The following ULK4 variants were observed in gnomAD, a reference collection of about 807,000 sequenced individuals.
ULK4 encodes inactive serine/threonine-protein kinase ULK4.
In ULK4, 133 loss-of-function variants were observed where a neutral mutation model predicts 160.6. That is an observed-to-expected ratio of 0.83 (90% CI 0.72 to 0.96). ULK4 has a LOEUF of 0.96. ULK4 is among the 40% of genes least tolerant of loss of function. The pLI is 0.00. For synonymous variants in ULK4, 534 were observed against 539.8 expected, an observed-to-expected ratio of 0.99 and a Z score of 0.15; for missense variants, 1,580 against 1,499.5, an observed-to-expected ratio of 1.05 and a Z score of -0.89.
chr3:41,739,739 C>G (rs2038179745), intron 22 of ULK4, among the ~76,000 whole-genome samples: 1 of 152,046 alleles, frequency 6.6e-6, no homozygotes, highest in East Asian at 1.9e-4. Flanking sequence ...TCAACAAAGA[C>G]TCCTTCTCCA....
chr3:41,901,499 G>C lies in ULK4; in HGVS notation c.1183-670C>G, dbSNP rs1035287399. On this transcript the variant is annotated intron_variant, in intron 12 of 36. Coordinates refer to ENST00000301831, the MANE Select transcript of ULK4 (RefSeq NM_017886.4). ...CCAGCCTTTTTTTTTTTTTTTTTTT[G>C]AGATAGAGTCTCACTCCATCACACA... Among the ~76,000 whole-genome samples, 17 of 4,822 alleles carry C rather than the reference G, an allele frequency of 3.5e-3. 1 individual carries two copies. The highest frequency in any genetic ancestry group is 0.026 in the Non-Finnish European group (11 of 428). 3.2% of individuals were successfully genotyped at this position (4,822 alleles called of 152,430 possible).
At chr3:41,851,065 T>C (rs557645065) in intron 17 of ULK4, among the ~76,000 whole-genome samples, 1 of 152,338 alleles carries the variant, frequency 6.6e-6, no homozygotes, top group South Asian at 2.1e-4. Context: ...GAATACCCTT[T>C]ATTTCTTTCT....
intron 22 of ULK4, among the ~76,000 whole-genome samples, chr3:41,740,643 A>C (rs1365973810): frequency 6.6e-6 from 1 of 151,968 alleles, no homozygotes; most frequent in African/African-American, 2.4e-5. Context: ...AATCCATAAA[A>C]GGCCAATGGT....
At chr3:41,831,052 G>A (rs1014599335) in intron 18 of ULK4, among the ~76,000 whole-genome samples, 3 of 149,582 alleles carry the variant, frequency 2.0e-5, no homozygotes, top group African/African-American at 7.6e-5. Context: ...TTATTAGACA[G>A]GGTGTTGCTC....
At chr3:41,648,890 T>G (rs1485281655) in intron 30 of ULK4, among the ~76,000 whole-genome samples, 1 of 151,940 alleles carries the variant, frequency 6.6e-6, no homozygotes, top group East Asian at 1.9e-4. Flanking sequence ...TCCCAGCACT[T>G]TAGGAGGCCA....
chr3:41,508,102 A>G (rs2085455048), intron 32 of ULK4, among the ~76,000 whole-genome samples: 1 of 152,180 alleles, frequency 6.6e-6, no homozygotes, highest in South Asian at 2.1e-4. Context: ...GCACAGTGGG[A>G]GTGAGACTGG....
chr3:41,413,147 G>A (rs1399115762), intron 34 of ULK4, among the ~76,000 whole-genome samples: 3 of 152,068 alleles, frequency 2.0e-5, no homozygotes, highest in Admixed American at 6.6e-5. Context: ...ACGTGAAAGG[G>A]GTTTCCCCTT....
Position 41,530,072 on chromosome 3 carries a change from T to C in ULK4, c.3226+35953A>G, listed in dbSNP as rs1000226278. ...GAAAATAGTTGCACAACCTCGTGAA[T>C]ATACTAAAAAATATACTGAATTATG... On this transcript the variant is annotated intron_variant, in intron 32 of 36. Transcript: ENST00000301831. Among the ~76,000 whole-genome samples, 40 of 152,186 alleles carry C rather than the reference T, an allele frequency of 2.6e-4. 1 individual carries two copies. Among genetic ancestry groups the C allele is most frequent in the Admixed American group, 2.4e-3 (36 of 15,274 alleles).
intron 25 of ULK4, among the ~76,000 whole-genome samples, chr3:41,709,246 TAA>T (rs1162164575): frequency 1.3e-5 from 2 of 152,124 alleles, no homozygotes; most frequent in African/African-American, 4.8e-5. Flanking sequence ...AAAAAAAACT[TAA>T]AGACATTTAT....
chr3:41,256,883 G>A (rs1384744460), intron 35 of ULK4, among the ~76,000 whole-genome samples: 1 of 152,120 alleles, frequency 6.6e-6, no homozygotes, highest in African/African-American at 2.4e-5. Flanking sequence ...TTTAGAAAGA[G>A]GGTCTCTGTT....
intron 35 of ULK4, among the ~76,000 whole-genome samples, chr3:41,343,781 T>G (rs2080740338): frequency 6.6e-6 from 1 of 151,986 alleles, no homozygotes; most frequent in African/African-American, 2.4e-5. Context: ...TACCCAGCAA[T>G]AGAGCTAACA....
Position 41,705,133 on chromosome 3 carries a change from T to G in ULK4, c.2705A>C (p.Glu902Ala). The G allele has an allele frequency of 6.2e-7, 1 of 1,613,862 alleles. No homozygotes were observed. The highest frequency in any genetic ancestry group is 8.5e-7 in the Non-Finnish European group (1 of 1,179,868). ...AGCTGACAATGTGATCTTGATAAAT[T>G]CTTCTGATGCTGTCAGTCCTAGAAA... ...DGAIGLTASEEFIKITLSAFE... is the reference protein window; with the variant it reads ...DGAIGLTASEAFIKITLSAFE... The change falls in exon 27 of 37, where the codon GAA becomes GCA. Residue 902 changes from glutamate (E) to alanine (A), a missense_variant. By Grantham distance (107) the Glu-to-Ala change is moderately radical. Coordinates refer to ENST00000301831, the MANE Select transcript of ULK4 (RefSeq NM_017886.4).
chr3:41,291,261 T>C (rs1351343244), intron 35 of ULK4, among the ~76,000 whole-genome samples: 4 of 147,856 alleles, frequency 2.7e-5, no homozygotes, highest in South Asian at 2.1e-4. Flanking sequence ...CTTTTAGTAA[T>C]AGGAGAGTGA....
intron 29 of ULK4, among the ~76,000 whole-genome samples, chr3:41,673,299 A>G (rs9838535): frequency 0.2 from 30,055 of 152,090 alleles, 7,947 homozygotes; most frequent in African/African-American, 0.61. Context: ...AACCACCCCG[A>G]TGTCCTTTGA....
intron 25 of ULK4, among the ~76,000 whole-genome samples, chr3:41,708,080 C>A (rs1294563697): frequency 6.6e-6 from 1 of 151,088 alleles, no homozygotes; most frequent in African/African-American, 2.4e-5. Context: ...TAAACTAGTA[C>A]AGCCATTATG....
At chr3:41,454,177 TAAA>T (rs776400442) in intron 34 of ULK4, among the ~76,000 whole-genome samples, 3 of 129,968 alleles carry the variant, frequency 2.3e-5, no homozygotes, top group African/African-American at 8.4e-5. Context: ...AAAGTATAAT[TAAA>T]AAAAAAAAAA....
chr3:41,862,789 T>TC (rs35116227), intron 17 of ULK4, among the ~76,000 whole-genome samples: 439 of 133,096 alleles, frequency 3.3e-3, no homozygotes, highest in East Asian at 0.011. Flanking sequence ...CTCTCTCCGC[T>TC]CCCCCCCCCC....
chr3:41,736,182 T>C (rs938483661), intron 22 of ULK4, among the ~76,000 whole-genome samples: 27 of 151,850 alleles, frequency 1.8e-4, no homozygotes, highest in Non-Finnish European at 3.4e-4. Flanking sequence ...AGCAGCATGA[T>C]TTATAATCCT....
At chr3:41,884,003 A>C in intron 16 of ULK4, 51 bp from the exon 17 acceptor site, 1 of 1,303,430 alleles carries the variant, frequency 7.7e-7, no homozygotes, top group Non-Finnish European at 1.1e-6. Flanking sequence ...GGGACCGAGG[A>C]AACTAATCCC....
Sources: gnomAD v4.1 joint callset for allele counts (sites outside exome capture counted in the v4.1 genomes callset) on GRCh38, gnomAD v4.1.1 for gene constraint, MANE v1.5 for transcripts, NCBI Gene and HGNC (gene_info 2026-07-23, HGNC 2026-07-21) for gene names.